SRD5A2: variants seen among roughly 807,000 people sequenced by gnomAD.
SRD5A2 encodes the protein 3-oxo-5-alpha-steroid 4-dehydrogenase 2.
In SRD5A2, 30 loss-of-function variants were observed where a neutral mutation model predicts 27.4. The ratio of observed to expected loss-of-function variants is 1.10; its 90% confidence interval spans 0.82 to 1.49. The LOEUF (loss-of-function observed/expected upper bound fraction) is 1.49, where lower values mean the gene tolerates loss of function less well. Ranked by LOEUF, SRD5A2 falls within the 40% of genes most tolerant of loss-of-function variation. The pLI, the probability that SRD5A2 is intolerant of heterozygous loss-of-function variation, is 0.00. For synonymous variants in SRD5A2, 141 were observed against 133.6 expected, an observed-to-expected ratio of 1.06 and a Z score of -0.38; for missense variants, 348 against 323.4, an observed-to-expected ratio of 1.08 and a Z score of -0.58.
rs891783465 is a variant in SRD5A2, at chr2:31,523,118, G to C, written c.*3078C>G. ...TTGTTCTTTATGAAAGTAAGCATTA[G>C]GGATAAGGGGGTTTATGACCTGAAA... On this transcript the variant is annotated 3_prime_UTR_variant, in exon 5 of 5. Transcript: ENST00000622030. 6 of 216,674 alleles carry C rather than the reference G, an allele frequency of 2.8e-5. No homozygotes were observed. Among genetic ancestry groups the C allele is most frequent in the Non-Finnish European group, 4.6e-5 (5 of 107,712 alleles). The allele number at this position is 216,674 out of a possible 1,614,324, so 13.4% of individuals were successfully genotyped here. A position where few individuals can be genotyped will look rare whatever the true frequency, so the allele number is the denominator to read the frequency against.
At chr2:31,587,204 T>C in the SRD5A2 span, among the ~76,000 whole-genome samples, 1 of 152,132 alleles carries the variant, frequency 6.6e-6, no homozygotes, top group South Asian at 2.1e-4. Context: ...TACCATCTCA[T>C]TGGTATCTCA....
chr2:31,542,349 T>A (rs1374150658), intron 1 of SRD5A2, among the ~76,000 whole-genome samples: 3 of 152,076 alleles, frequency 2.0e-5, no homozygotes, highest in African/African-American at 4.8e-5. Flanking sequence ...CTCTATTAAA[T>A]TTATTTATTT....
At chr2:31,527,330 C>A (rs973654277) in intron 4 of SRD5A2, among the ~76,000 whole-genome samples, 3 of 152,076 alleles carry the variant, frequency 2.0e-5, no homozygotes, top group South Asian at 4.1e-4. Flanking sequence ...AATTAGGGGG[C>A]AAATAATAAG....
At chr2:31,596,875 C>A in the SRD5A2 span, among the ~76,000 whole-genome samples, 6 of 152,258 alleles carry the variant, frequency 3.9e-5, no homozygotes, top group African/African-American at 1.4e-4. Flanking sequence ...ATAGCTCAAG[C>A]TCATGGATGG....
At chr2:31,567,053 A>G (rs1666745151) in intron 1 of SRD5A2, among the ~76,000 whole-genome samples, 1 of 152,190 alleles carries the variant, frequency 6.6e-6, no homozygotes. Flanking sequence ...AGTCCATGCA[A>G]CTAATATTTT....
rs1007254581 is a variant in SRD5A2, at chr2:31,523,037, A to G, written c.*3159T>C. ...TCTAAGCCGCCTAAATAGCTGTTTAATTGCGTATTTCTCATTAGAGCTCCT... is the reference window on the plus strand; with the variant it reads ...TCTAAGCCGCCTAAATAGCTGTTTAGTTGCGTATTTCTCATTAGAGCTCCT... On this transcript the variant is annotated 3_prime_UTR_variant, in exon 5 of 5. Coordinates refer to ENST00000622030, the MANE Select transcript of SRD5A2 (RefSeq NM_000348.4). The G allele has an allele frequency of 4.0e-4, 88 of 218,656 alleles. No individual in the cohort carries two copies. The highest frequency in any genetic ancestry group is 1.8e-3 in the African/African-American group (81 of 44,602). The allele number at this position is 218,656 out of a possible 1,614,324, so 13.5% of individuals were successfully genotyped here.
intron 3 of SRD5A2, among the ~76,000 whole-genome samples, chr2:31,531,150 C>T (rs947137057): frequency 3.9e-5 from 6 of 152,326 alleles, no homozygotes; most frequent in African/African-American, 1.2e-4. Context: ...TGCGGTCTCG[C>T]ACCTTCCTGA....
At chr2:31,583,663 C>CAA (rs796349594), upstream of SRD5A2, among the ~76,000 whole-genome samples, 301 of 97,104 alleles carry the variant, frequency 3.1e-3, 5 homozygotes, top group African/African-American at 0.012. Flanking sequence ...AAAAAAAAAG[C>CAA]AAAAAAAAAA....
At chr2:31,531,082 G>T (rs1289849662) in intron 3 of SRD5A2, among the ~76,000 whole-genome samples, 1 of 152,202 alleles carries the variant, frequency 6.6e-6, no homozygotes, top group Non-Finnish European at 1.5e-5. Flanking sequence ...CAATGAGGGT[G>T]TAGGTAGCCG....
the SRD5A2 span, among the ~76,000 whole-genome samples, chr2:31,601,928 A>G: frequency 6.6e-6 from 1 of 152,264 alleles, no homozygotes; most frequent in East Asian, 1.9e-4. Context: ...GGAGCCATAT[A>G]TGACAAATCC....
At chr2:31,643,403 G>A in the SRD5A2 span, among the ~76,000 whole-genome samples, 1 of 152,084 alleles carries the variant, frequency 6.6e-6, no homozygotes, top group Non-Finnish European at 1.5e-5. Flanking sequence ...CAGTCAGCAT[G>A]AACATGAAGG....
chr2:31,528,801 T>C (rs896354273), intron 4 of SRD5A2, among the ~76,000 whole-genome samples: 1 of 150,722 alleles, frequency 6.6e-6, no homozygotes, highest in Non-Finnish European at 1.5e-5. Context: ...TAAATAAATA[T>C]CTGTGGAGCT....
At chr2:31,626,716 G>A in the SRD5A2 span, among the ~76,000 whole-genome samples, 27 of 152,202 alleles carry the variant, frequency 1.8e-4, no homozygotes, top group Non-Finnish European at 3.2e-4. Context: ...CAACTTGATC[G>A]TGGTGGATAA....
intron 1 of SRD5A2, among the ~76,000 whole-genome samples, chr2:31,547,994 A>G (rs1192833628): frequency 1.3e-5 from 2 of 152,312 alleles, no homozygotes; most frequent in East Asian, 1.9e-4. Context: ...TTCAGTGGAG[A>G]AAGAACAGTC....
chr2:31,627,208 T>C, the SRD5A2 span, among the ~76,000 whole-genome samples: 8 of 151,962 alleles, frequency 5.3e-5, no homozygotes, highest in East Asian at 1.4e-3. Context: ...GGTGATATCC[T>C]CTTTATGTAC....
intron 1 of SRD5A2, among the ~76,000 whole-genome samples, chr2:31,536,861 T>A (rs1306342613): frequency 1.3e-5 from 2 of 152,192 alleles, no homozygotes; most frequent in Middle Eastern, 3.2e-3. Context: ...TGGGACCACA[T>A]CACTTTAATT....
At chr2:31,543,591 T>C (rs552098365) in intron 1 of SRD5A2, among the ~76,000 whole-genome samples, 2 of 152,314 alleles carry the variant, frequency 1.3e-5, no homozygotes, top group Admixed American at 6.5e-5. Flanking sequence ...ACACATGATA[T>C]ATAAAGTTGC....
At chr2:31,603,192 T>C in the SRD5A2 span, among the ~76,000 whole-genome samples, 1 of 152,000 alleles carries the variant, frequency 6.6e-6, no homozygotes, top group East Asian at 1.9e-4. Flanking sequence ...ATATTCAGCA[T>C]CTACAATGAA....
In SRD5A2 at chr2:31,531,456, A is replaced by G. The variant is rs1311309711; in HGVS notation, c.462T>C (p.Ile154=). 6.3e-7 allele frequency: 1 copy of G among 1,594,030 alleles called. No homozygotes were observed. Among genetic ancestry groups the G allele is most frequent in the Non-Finnish European group, 8.5e-7 (1 of 1,169,770 alleles). ...IRFSLGVFLF[I]LGMGINIHSD... is the part of the protein sequence containing the mutation. ...TATGAATGTTTATTCCCATTCCCAA[A>G]ATAAATAAGAAGACACCTTGACAAA... Residue 154 remains isoleucine, a synonymous_variant, in exon 3 of 5, where the codon ATT becomes ATC. Coordinates refer to ENST00000622030, the MANE Select transcript of SRD5A2 (RefSeq NM_000348.4).
Sources: allele counts gnomAD v4.1 joint callset (sites outside exome capture counted in the v4.1 genomes callset), GRCh38; gene constraint gnomAD v4.1.1; transcripts MANE v1.5; gene names NCBI Gene and HGNC (gene_info 2026-07-23, HGNC 2026-07-21).